Variants in TMEM131L observed in about 807,000 individuals in gnomAD.
TMEM131L encodes the protein transmembrane 131 like.
In TMEM131L, 54 loss-of-function variants were observed where a neutral mutation model predicts 192.2. The ratio of observed to expected loss-of-function variants is 0.28; its 90% confidence interval spans 0.23 to 0.35. TMEM131L has a LOEUF of 0.35. Ranked by LOEUF, TMEM131L falls within the 10% of genes least tolerant of loss-of-function variation. The pLI is 1.00. For synonymous variants in TMEM131L, 701 were observed against 704.9 expected (o/e 0.99, Z 0.09); for missense variants, 1,888 against 1,972.9 (o/e 0.96, Z 0.82).
chr4:153,562,376 C>G (rs1426964362), intron 7 of TMEM131L, among the ~76,000 whole-genome samples: 2 of 152,122 alleles, frequency 1.3e-5, no homozygotes, highest in African/African-American at 4.8e-5. Context: ...AAAACAAAAA[C>G]TTAAAAAATT....
chr4:153,611,834 G>C (rs376854534), intron 25 of TMEM131L, among the ~76,000 whole-genome samples: 1 of 152,168 alleles, frequency 6.6e-6, no homozygotes, highest in Non-Finnish European at 1.5e-5. Context: ...AAACCATCTT[G>C]ACCATCTTAA....
At chr4:153,494,259 ATTTC>A (rs1234743814) in intron 3 of TMEM131L, among the ~76,000 whole-genome samples, 2 of 152,186 alleles carry the variant, frequency 1.3e-5, no homozygotes, top group African/African-American at 4.8e-5. Flanking sequence ...ATTCTTAAGA[ATTTC>A]TTAAGGAAGT....
At chr4:153,476,140 G>A (rs906817840) in intron 3 of TMEM131L, among the ~76,000 whole-genome samples, 1 of 152,048 alleles carries the variant, frequency 6.6e-6, no homozygotes, top group African/African-American at 2.4e-5. Context: ...TGTATTTTTA[G>A]TAGAGATGAG....
intron 26 of TMEM131L, among the ~76,000 whole-genome samples, chr4:153,619,945 T>C (rs1046542248): frequency 6.6e-6 from 1 of 152,194 alleles, no homozygotes; most frequent in Non-Finnish European, 1.5e-5. Context: ...GAGTTGTGTC[T>C]TTTAAGCCCT....
chr4:153,589,078 C>T (rs746530818), intron 16 of TMEM131L, 71 bp downstream of exon 16: 19 of 809,238 alleles, frequency 2.3e-5, no homozygotes, highest in East Asian at 7.3e-5. Flanking sequence ...TCCTTACCTG[C>T]GGGGACACAT....
Position 153,627,665 on chromosome 4 carries a change from C to T in TMEM131L, c.4185C>T (p.Pro1395=), listed in dbSNP as rs543922994. Residue 1395 remains proline (P), a synonymous_variant, in exon 31 of 35, where the codon CCC becomes CCT. Transcript: ENST00000409959. ...CCTGTCCCAGCCTTCCTGCCGGGCC[C>T]ACAGGTGTTGAAGAAGATAAAGGTG... ...EPSCPSLPAG[P]TGVEEDKGLY... is the part of the protein sequence containing the mutation. 5.0e-6 allele frequency: 8 copies of T among 1,613,906 alleles called. No homozygotes were observed. In the East Asian group the frequency reaches 1.3e-4, roughly 27 times the overall value.
chr4:153,634,389 A>C, intron 33 of TMEM131L, 109 bp downstream of exon 33: 2 of 874,918 alleles, frequency 2.3e-6, no homozygotes, highest in South Asian at 1.4e-5. Flanking sequence ...GACTTTGAGA[A>C]TGAGCTTGCA....
chr4:153,484,980 G>A (rs1455104959), intron 3 of TMEM131L, among the ~76,000 whole-genome samples: 8 of 149,818 alleles, frequency 5.3e-5, no homozygotes, highest in South Asian at 2.1e-4. Flanking sequence ...TTAGCTGGGC[G>A]TGGTGGCGGG....
intron 3 of TMEM131L, among the ~76,000 whole-genome samples, chr4:153,524,245 A>G (rs1735322281): frequency 6.7e-6 from 1 of 149,278 alleles, no homozygotes. Flanking sequence ...GTTCCCTTCC[A>G]GGGCATGTAG....
chr4:153,623,079 G>A lies in TMEM131L; in HGVS notation c.4041G>A (p.Pro1347=), dbSNP rs116061291. ...TGGTGGACGCCCAGCACTTCCTGCC[G>A]GCCGGTGAGTCCTGAGCAGAGCCCC... ...KPMVDAQHFL[P]AGDSVSQNDF... is the part of the protein sequence containing the mutation. The change falls in exon 29 of 35, where the codon CCG becomes CCA. Residue 1347 remains proline (P), a synonymous_variant. Coordinates refer to ENST00000409959, the MANE Select transcript of TMEM131L (RefSeq NM_001131007.2). The A allele has an allele frequency of 4.1e-4, 648 of 1,598,408 alleles. 4 individuals carry two copies. The African/African-American group carries it at 7.2e-3, about 18-fold the overall frequency.
rs577543153 is a variant in TMEM131L at position 153,513,994 on chromosome 4, T to A, written c.240-36079T>A. The stretch of plus-strand genomic sequence containing the variant: ...TTAGGAAAATCTCAGATAAGTCTCA[T>A]TTTTTTTCTCTGTCTCATAATTGTG... On this transcript the variant is annotated intron_variant, in intron 3 of 34. Transcript: ENST00000409959. Among the ~76,000 whole-genome samples, 7 of 152,184 alleles carry A rather than the reference T, an allele frequency of 4.6e-5. No individual in the cohort carries two copies. The South Asian group carries it at 1.5e-3, about 32-fold the overall frequency.
At chr4:153,594,243 ATCTT>A (rs1175854296) in intron 19 of TMEM131L, among the ~76,000 whole-genome samples, 7 of 151,822 alleles carry the variant, frequency 4.6e-5, no homozygotes, top group Non-Finnish European at 1.5e-5. Flanking sequence ...ATTAAAAAAA[ATCTT>A]CTCTTACTAA....
At chr4:153,629,073 T>C (rs1320391972) in intron 31 of TMEM131L, among the ~76,000 whole-genome samples, 3 of 152,120 alleles carry the variant, frequency 2.0e-5, no homozygotes. Context: ...CCAGCCATGG[T>C]TTTGCCTAGT....
chr4:153,533,228 A>G (rs1189393399), intron 3 of TMEM131L, among the ~76,000 whole-genome samples: 3 of 151,550 alleles, frequency 2.0e-5, no homozygotes, highest in Non-Finnish European at 2.9e-5. Flanking sequence ...CACTTTATCC[A>G]CCCGCCTTGG....
chr4:153,497,509 A>G (rs530349928), intron 3 of TMEM131L, among the ~76,000 whole-genome samples: 1 of 152,208 alleles, frequency 6.6e-6, no homozygotes, highest in Non-Finnish European at 1.5e-5. Context: ...CCCAGTTTGA[A>G]ACGTTTTGCT....
At chr4:153,480,125 GTCAGGAGA>G (rs1463115707) in intron 3 of TMEM131L, among the ~76,000 whole-genome samples, 1 of 152,134 alleles carries the variant, frequency 6.6e-6, no homozygotes, top group Non-Finnish European at 1.5e-5. Context: ...AGATCAGGAG[GTCAGGAGA>G]TCGAGACCAT....
chr4:153,584,894 A>G lies in TMEM131L; in HGVS notation c.1120A>G (p.Thr374Ala), dbSNP rs751222695. The G allele has an allele frequency of 1.9e-6, 3 of 1,614,122 alleles. No individual in the cohort carries two copies. Among genetic ancestry groups the G allele is most frequent in the Non-Finnish European group, 2.5e-6 (3 of 1,179,948 alleles). ...TGTGAAGAAAACAACACACACTCCA[A>G]CACTAAAAGCATGCCTCTTCTCTTC... Reference protein sequence around the residue: ...EDVKKTTHTPTLKACLFSSVA... With the variant: ...EDVKKTTHTPALKACLFSSVA... Residue 374 changes from threonine (T) to alanine (A), a missense_variant, in exon 12 of 35, where the codon ACA (threonine) becomes GCA (alanine). Transcript: ENST00000409959.
chr4:153,585,827 T>A (rs1451600893), intron 13 of TMEM131L, among the ~76,000 whole-genome samples: 2 of 152,140 alleles, frequency 1.3e-5, no homozygotes, highest in Non-Finnish European at 2.9e-5. Context: ...TTTAAAAAAC[T>A]GTTTTTAAAA....
intron 25 of TMEM131L, among the ~76,000 whole-genome samples, chr4:153,607,490 T>C (rs935694387): frequency 2.0e-5 from 3 of 152,192 alleles, no homozygotes; most frequent in Non-Finnish European, 2.9e-5. Context: ...GACTGGCAGT[T>C]AGGATTCCAG....
Sources: gnomAD v4.1 joint callset for allele counts (sites outside exome capture counted in the v4.1 genomes callset) on GRCh38, gnomAD v4.1.1 for gene constraint, MANE v1.5 for transcripts, NCBI Gene and HGNC (gene_info 2026-07-23, HGNC 2026-07-21) for gene names.